The following SLC10A7 variants were observed in gnomAD, a reference collection of about 807,000 sequenced individuals.
SLC10A7 encodes sodium/bile acid cotransporter 7.
In SLC10A7, 29 loss-of-function variants were observed where a neutral mutation model predicts 43.2. The observed-to-expected ratio is 0.67, with a 90% CI of 0.50 to 0.92. The LOEUF is 0.92. Ranked by LOEUF, SLC10A7 falls within the 40% of genes least tolerant of loss-of-function variation. The pLI is 0.00. For missense variants in SLC10A7, 295 were observed against 403.2 expected (o/e 0.73, Z 2.30); for synonymous variants, 152 against 144.8 (o/e 1.05, Z -0.35).
At position 146,499,466 on chromosome 4, in the gene SLC10A7, A is replaced by C. The variant is rs552421604; in HGVS notation, c.396+4383T>G. 3.5e-4 allele frequency among the ~76,000 whole-genome samples: 54 copies of C among 152,344 alleles called. No homozygotes were observed. In the South Asian group the frequency reaches 0.01, roughly 29 times the overall value. ...TTTCCAATATATTATACATAAGATT[A>C]ATCTTCTTTCACATTTACTTCAACA... On this transcript the variant is annotated intron_variant, in intron 4 of 11. Transcript: ENST00000335472.
chr4:146,376,194 G>A (rs1737185617), intron 5 of SLC10A7, among the ~76,000 whole-genome samples: 1 of 152,014 alleles, frequency 6.6e-6, no homozygotes. Context: ...GGCTATCTAG[G>A]AGTTCACCAA....
At chr4:146,394,508 G>A (rs1403267743) in intron 5 of SLC10A7, among the ~76,000 whole-genome samples, 4 of 152,058 alleles carry the variant, frequency 2.6e-5, no homozygotes, top group African/African-American at 9.6e-5. Flanking sequence ...TACTACAAGA[G>A]CACACCATTA....
rs547242849 is a variant in SLC10A7, at chr4:146,449,190, G to A, written c.397-6369C>T. Among the ~76,000 whole-genome samples the A allele has an allele frequency of 6.6e-4, 101 of 152,280 alleles. 1 individual carries two copies. The highest frequency in any genetic ancestry group is 3.4e-3 in the Middle Eastern group (1 of 294). ...CATTTCCCACTGGGTGACAGGGATAGGGAGGGTATATAAGTGAACCAGAAA... is the reference window on the plus strand; with the variant it reads ...CATTTCCCACTGGGTGACAGGGATAAGGAGGGTATATAAGTGAACCAGAAA... On this transcript the variant is annotated intron_variant, in intron 4 of 11. Coordinates refer to ENST00000335472, the MANE Select transcript of SLC10A7 (RefSeq NM_001029998.6).
At chr4:146,423,558 A>T (rs1194556714) in intron 5 of SLC10A7, among the ~76,000 whole-genome samples, 3 of 152,222 alleles carry the variant, frequency 2.0e-5, no homozygotes, top group Non-Finnish European at 2.9e-5. Flanking sequence ...CATAAAATCT[A>T]CATCAAAATT....
At chr4:146,396,908 GA>G (rs1015957746) in intron 5 of SLC10A7, among the ~76,000 whole-genome samples, 1 of 151,624 alleles carries the variant, frequency 6.6e-6, no homozygotes, top group African/African-American at 2.4e-5. Flanking sequence ...ATAACAAAAG[GA>G]AAAGGAGAAA....
intron 7 of SLC10A7, 41 bp from the exon 8 acceptor site, chr4:146,294,136 G>A (rs1006493177): frequency 1.1e-5 from 16 of 1,472,326 alleles, no homozygotes; most frequent in African/African-American, 1.4e-5. Flanking sequence ...TTTCAGAGAT[G>A]GAGGGAGTTG....
intron 5 of SLC10A7, among the ~76,000 whole-genome samples, chr4:146,370,752 G>A (rs1736715912): frequency 6.6e-6 from 1 of 152,064 alleles, no homozygotes; most frequent in Non-Finnish European, 1.5e-5. Flanking sequence ...TACTTTCTTT[G>A]TCTCTCTTAT....
chr4:146,366,999 G>GT (rs1241634736), intron 5 of SLC10A7, among the ~76,000 whole-genome samples: 2 of 149,486 alleles, frequency 1.3e-5, no homozygotes, highest in African/African-American at 2.5e-5. Flanking sequence ...CAAGTTTTTT[G>GT]TTTTTTTGTT....
rs553064709 is a variant in SLC10A7 at position 146,335,777 on chromosome 4, T to C, written c.436-9781A>G. Among the ~76,000 whole-genome samples the C allele has an allele frequency of 7.2e-5, 11 of 152,232 alleles. No individual in the cohort carries two copies. The South Asian group carries it at 2.1e-3, about 29-fold the overall frequency. ...AAGGTGACATTGATTGCCTAACACT[T>C]CATGAACACTATCATTTAAACAAGA... On this transcript the variant is annotated intron_variant, in intron 5 of 11. Coordinates refer to ENST00000335472, the MANE Select transcript of SLC10A7 (RefSeq NM_001029998.6).
chr4:146,275,584 A>C (rs1729152805), intron 10 of SLC10A7, among the ~76,000 whole-genome samples: 1 of 151,994 alleles, frequency 6.6e-6, no homozygotes, highest in African/African-American at 2.4e-5. Flanking sequence ...GTGCCCACAA[A>C]GTATTTATGG....
At chr4:146,470,371 C>CATATGTATAT (rs1371550721) in intron 4 of SLC10A7, among the ~76,000 whole-genome samples, 5 of 151,006 alleles carry the variant, frequency 3.3e-5, no homozygotes, top group African/African-American at 9.7e-5. Flanking sequence ...TATAAATGTA[C>CATATGTATAT]ATACGTATAT....
chr4:146,264,746 A>C (rs1728448746), intron 10 of SLC10A7, among the ~76,000 whole-genome samples: 1 of 152,166 alleles, frequency 6.6e-6, no homozygotes, highest in African/African-American at 2.4e-5. Flanking sequence ...AAGTTCGGGG[A>C]TCATCTTTGA....
chr4:146,284,359 AC>A (rs1362592549), intron 9 of SLC10A7, among the ~76,000 whole-genome samples: 2 of 152,076 alleles, frequency 1.3e-5, no homozygotes. Context: ...CCCATGCACG[AC>A]TTTTGCTGGG....
chr4:146,413,292 C>T (rs906849239), intron 5 of SLC10A7, among the ~76,000 whole-genome samples: 1 of 152,010 alleles, frequency 6.6e-6, no homozygotes, highest in Non-Finnish European at 1.5e-5. Flanking sequence ...ACTTCTTTAG[C>T]TTGTTTTTTA....
At chr4:146,361,602 T>G (rs1051407709) in intron 5 of SLC10A7, among the ~76,000 whole-genome samples, 17 of 152,128 alleles carry the variant, frequency 1.1e-4, no homozygotes, top group African/African-American at 4.1e-4. Context: ...TGGAAAGCCC[T>G]CTCAAGAAGG....
At chr4:146,293,846 A>G (rs1730603258) in intron 8 of SLC10A7, 84 bp downstream of exon 8, 1 of 809,378 alleles carries the variant, frequency 1.2e-6, no homozygotes, top group East Asian at 2.7e-5. Context: ...TTAACACTAG[A>G]CATGAATTTA....
chr4:146,368,831 CTA>C (rs1331112075), intron 5 of SLC10A7, among the ~76,000 whole-genome samples: 2 of 152,112 alleles, frequency 1.3e-5, no homozygotes, highest in East Asian at 3.8e-4. Flanking sequence ...TAGTTAGTGT[CTA>C]GAGTCACATG....
Position 146,283,196 on chromosome 4 carries a change from T to C in SLC10A7, c.843A>G (p.Thr281=). The C allele has an allele frequency of 9.9e-6, 16 of 1,611,188 alleles. No homozygotes were observed. Among genetic ancestry groups the C allele is most frequent in the Non-Finnish European group, 1.3e-5 (15 of 1,177,666 alleles). ...IIFCSTHKSL[T]LGIPMLKIVF... ...TTAACTCTGTGAATCACTTACCCAATGTAAGGGATTTGTGTGTAGAACAGA... is the reference window on the plus strand; with the variant it reads ...TTAACTCTGTGAATCACTTACCCAACGTAAGGGATTTGTGTGTAGAACAGA... The change falls in exon 10 of 12, where the codon ACA becomes ACG. Residue 281 remains threonine, a synonymous_variant. Transcript: ENST00000335472.
chr4:146,479,902 TACATTCAACATTCAAAAA>T (rs1222396217), intron 4 of SLC10A7, among the ~76,000 whole-genome samples: 1 of 152,150 alleles, frequency 6.6e-6, no homozygotes, highest in South Asian at 2.1e-4. Context: ...TGTTAATGTA[TACATTCAACATTCAAAAA>T]ACATTCAACA....
Sources: allele counts gnomAD v4.1 joint callset (sites outside exome capture counted in the v4.1 genomes callset), GRCh38; gene constraint gnomAD v4.1.1; transcripts MANE v1.5; gene names NCBI Gene and HGNC (gene_info 2026-07-23, HGNC 2026-07-21).